Variants in ZBBX observed in about 807,000 individuals in gnomAD.
ZBBX encodes zinc finger B-box domain-containing protein 1.
A neutral mutation model predicts 108.5 loss-of-function variants in ZBBX; 101 were observed. The observed-to-expected ratio is 0.93, with a 90% CI of 0.79 to 1.10. The LOEUF is 1.10. Among genes scored for constraint, ZBBX ranks in the 50% least tolerant of loss-of-function variants. The pLI is 0.00. For synonymous variants in ZBBX, 356 were observed against 323.4 expected (o/e 1.10, Z -1.08); for missense variants, 1,009 against 941.4 (o/e 1.07, Z -0.94).
chr3:167,224,893 C>G, the ZBBX span, among the ~76,000 whole-genome samples: 3 of 151,838 alleles, frequency 2.0e-5, no homozygotes, highest in Non-Finnish European at 4.4e-5. Flanking sequence ...ATATCCCCTT[C>G]TTTTTACCAC....
rs542023327 is a variant in ZBBX at position 167,274,578 on chromosome 3, C to A, written c.2254+7660G>T. On this transcript the variant is annotated intron_variant, in intron 20 of 21. Transcript: ENST00000675490. ...AGGTTTAGCCTGTTAACTTCCTTAC[C>A]CTTTGTTCTCCAACTTAACTTTCTT... is the stretch of plus-strand genomic sequence containing the variant. 4.6e-5 allele frequency among the ~76,000 whole-genome samples: 7 copies of A among 152,248 alleles called. No homozygotes were observed. In the East Asian group the frequency reaches 1.2e-3, roughly 25 times the overall value.
intron 19 of ZBBX, among the ~76,000 whole-genome samples, chr3:167,285,218 T>C (rs1729488421): frequency 6.6e-6 from 1 of 152,058 alleles, no homozygotes; most frequent in Non-Finnish European, 1.5e-5. Flanking sequence ...GGATACAATA[T>C]TACTGGTAAG....
At chr3:167,320,021 C>T (rs989838270) in intron 12 of ZBBX, among the ~76,000 whole-genome samples, 3 of 150,710 alleles carry the variant, frequency 2.0e-5, no homozygotes, top group African/African-American at 4.9e-5. Context: ...TGTGTGTGCA[C>T]GCACGTGTGT....
chr3:167,279,698 A>G (rs1036893123), intron 20 of ZBBX, among the ~76,000 whole-genome samples: 94 of 152,164 alleles, frequency 6.2e-4, no homozygotes, highest in Admixed American at 1.3e-3. Context: ...ATTCAATGCC[A>G]TCCCCATCAA....
At chr3:167,213,447 G>A in the ZBBX span, among the ~76,000 whole-genome samples, 2 of 152,012 alleles carry the variant, frequency 1.3e-5, no homozygotes, top group African/African-American at 4.8e-5. Flanking sequence ...AAGAATCTCA[G>A]AATTTGATGA....
At chr3:167,345,989 C>T (rs965199322) in intron 9 of ZBBX, among the ~76,000 whole-genome samples, 6 of 151,860 alleles carry the variant, frequency 4.0e-5, no homozygotes, top group African/African-American at 1.4e-4. Flanking sequence ...ACTAACCCCC[C>T]TTGTGCATGT....
chr3:167,275,548 C>T lies in ZBBX; in HGVS notation c.2254+6690G>A, dbSNP rs545710803. ...GCACCTGGAAAATGGGTCACTCCCA[C>T]CCGAATACTGCGCTTTTCCAACGGG... is the stretch of plus-strand genomic sequence containing the variant. On this transcript the variant is annotated intron_variant, in intron 20 of 21. Transcript: ENST00000675490. Among the ~76,000 whole-genome samples, 273 of 152,288 alleles carry T rather than the reference C, an allele frequency of 1.8e-3. 1 individual carries two copies. The highest frequency in any genetic ancestry group is 6.2e-3 in the African/African-American group (257 of 41,570).
At chr3:167,403,236 T>C (rs1234399138) in intron 1 of ZBBX, among the ~76,000 whole-genome samples, 1 of 152,116 alleles carries the variant, frequency 6.6e-6, no homozygotes, top group African/African-American at 2.4e-5. Flanking sequence ...AACAATCTCA[T>C]TAACCCAACG....
chr3:167,321,620 C>G (rs956385015), intron 12 of ZBBX, among the ~76,000 whole-genome samples: 7 of 151,982 alleles, frequency 4.6e-5, no homozygotes, highest in African/African-American at 1.7e-4. Context: ...GGCCTCACTT[C>G]AGATCTACGA....
intron 20 of ZBBX, among the ~76,000 whole-genome samples, chr3:167,275,395 A>G (rs917906255): frequency 6.6e-6 from 1 of 152,250 alleles, no homozygotes; most frequent in Admixed American, 6.5e-5. Context: ...GGAGTGCCAG[A>G]CAGTGGGCGC....
intron 6 of ZBBX, among the ~76,000 whole-genome samples, chr3:167,365,493 T>C (rs1166893985): frequency 6.6e-6 from 1 of 151,738 alleles, no homozygotes; most frequent in Non-Finnish European, 1.5e-5. Context: ...TGAAGCAGAA[T>C]ATAAAACATT....
chr3:167,227,515 T>C, the ZBBX span, among the ~76,000 whole-genome samples: 1 of 151,690 alleles, frequency 6.6e-6, no homozygotes, highest in Non-Finnish European at 1.5e-5. Flanking sequence ...GCTATTCAGA[T>C]ATCTCAGCAT....
At chr3:167,278,904 G>A (rs939062931) in intron 20 of ZBBX, among the ~76,000 whole-genome samples, 13 of 152,056 alleles carry the variant, frequency 8.5e-5, no homozygotes, top group African/African-American at 3.1e-4. Context: ...TATCCACCAT[G>A]ATCAAGTGGG....
At chr3:167,234,067 C>G in the ZBBX span, among the ~76,000 whole-genome samples, 1 of 151,718 alleles carries the variant, frequency 6.6e-6, no homozygotes. Context: ...CTAAGTGTCC[C>G]TAGAATTCAG....
At chr3:167,292,740 C>CA (rs1203964316) in intron 18 of ZBBX, among the ~76,000 whole-genome samples, 1 of 152,002 alleles carries the variant, frequency 6.6e-6, no homozygotes, top group Non-Finnish European at 1.5e-5. Flanking sequence ...AAAAACCCTT[C>CA]AAAAAACCAA....
chr3:167,323,811 C>T (rs926738431), intron 11 of ZBBX, among the ~76,000 whole-genome samples: 3 of 151,988 alleles, frequency 2.0e-5, no homozygotes, highest in African/African-American at 7.2e-5. Context: ...TGAAACGAAA[C>T]CAGCCATGCC....
Position 167,240,046 on chromosome 3 carries a change from G to T in ZBBX, c.*747C>A, listed in dbSNP as rs1720428964. Among the ~76,000 whole-genome samples, 1 of 152,024 alleles carries T rather than the reference G, an allele frequency of 6.6e-6. No homozygotes were observed. The highest frequency in any genetic ancestry group is 2.4e-5 in the African/African-American group (1 of 41,392). ...TTATCACGAGAACAGCAGCATAGGG[G>T]TAACTGCCCCCATGATTCAATTACT... On this transcript the variant is annotated 3_prime_UTR_variant, in exon 22 of 22. Coordinates refer to ENST00000675490, the MANE Select transcript of ZBBX (RefSeq NM_001199201.2).
At chr3:167,308,928 C>T (rs1734117016) in intron 16 of ZBBX, among the ~76,000 whole-genome samples, 1 of 152,096 alleles carries the variant, frequency 6.6e-6, no homozygotes, top group African/African-American at 2.4e-5. Context: ...AACAAAACTA[C>T]ACGTGTGTCC....
intron 20 of ZBBX, among the ~76,000 whole-genome samples, chr3:167,277,636 A>G (rs1727863801): frequency 6.6e-6 from 1 of 152,174 alleles, no homozygotes; most frequent in Admixed American, 6.5e-5. Flanking sequence ...TTAGACTCCC[A>G]CACATTAATA....
Sources: allele counts gnomAD v4.1 joint callset (sites outside exome capture counted in the v4.1 genomes callset), GRCh38; gene constraint gnomAD v4.1.1; transcripts MANE v1.5; gene names NCBI Gene and HGNC (gene_info 2026-07-23, HGNC 2026-07-21).